AFAP1: variants seen among roughly 807,000 people sequenced by gnomAD.
AFAP1 encodes the protein actin filament-associated protein 1.
AFAP1 carries 75 observed loss-of-function variants against 93.9 expected under a neutral mutation model. The ratio of observed to expected loss-of-function variants is 0.80; its 90% CI spans 0.66 to 0.97. The LOEUF (loss-of-function observed/expected upper bound fraction) is 0.97, where lower values mean the gene tolerates loss of function less well. Ranked by LOEUF, AFAP1 falls within the 50% of genes least tolerant of loss-of-function variation. AFAP1 has a pLI of 0.00. For synonymous variants in AFAP1, 517 were observed against 430.7 expected (o/e 1.20, Z -2.48); for missense variants, 1,201 against 1,050.8 (o/e 1.14, Z -1.98).
At chr4:7,868,157 A>C (rs1177922948) in intron 3 of AFAP1, among the ~76,000 whole-genome samples, 1 of 152,150 alleles carries the variant, frequency 6.6e-6, no homozygotes, top group Non-Finnish European at 1.5e-5. Context: ...AAATATGTAC[A>C]TATTTTTCTC....
At chr4:7,873,581 C>T (rs534385784) in intron 1 of AFAP1, among the ~76,000 whole-genome samples, 1 of 151,876 alleles carries the variant, frequency 6.6e-6, no homozygotes, top group East Asian at 2.0e-4. Context: ...ATCTCCTGAC[C>T]TCGTGATCCA....
At chr4:7,866,779 G>A (rs1221460308) in intron 3 of AFAP1, among the ~76,000 whole-genome samples, 3 of 151,820 alleles carry the variant, frequency 2.0e-5, no homozygotes, top group Non-Finnish European at 2.9e-5. Flanking sequence ...GGTCACACCT[G>A]TAATCCTAGC....
chr4:7,857,228 TG>T (rs1221511906), intron 3 of AFAP1, among the ~76,000 whole-genome samples: 2 of 152,126 alleles, frequency 1.3e-5, no homozygotes, highest in Non-Finnish European at 2.9e-5. Flanking sequence ...ATTGAAAGTA[TG>T]GGGCTGTTGC....
At chr4:7,834,733 A>C (rs1712071011) in intron 6 of AFAP1, among the ~76,000 whole-genome samples, 1 of 152,252 alleles carries the variant, frequency 6.6e-6, no homozygotes, top group East Asian at 1.9e-4. Context: ...AGAGAGATCC[A>C]AGCTGTAGTC....
rs180937695 is a variant in AFAP1, at chr4:7,780,541, G to A, written c.1782+835C>T. On this transcript the variant is annotated intron_variant, in intron 13 of 17. Coordinates refer to ENST00000420658, the MANE Select transcript of AFAP1 (RefSeq NM_001134647.2). ...TAAATATGCATGATAAGCTGGGCAC[G>A]GTGGCATGTGCCTGTTGTCCCAGCT... Among the ~76,000 whole-genome samples, 60 of 152,276 alleles carry A rather than the reference G, an allele frequency of 3.9e-4. 1 individual carries two copies. Among genetic ancestry groups the A allele is most frequent in the Admixed American group, 9.2e-4 (14 of 15,300 alleles).
chr4:7,840,349 C>T lies in AFAP1; in HGVS notation c.547-1646G>A, dbSNP rs181304702. Among the ~76,000 whole-genome samples, 53 of 149,326 alleles carry T rather than the reference C, an allele frequency of 3.5e-4. No individual in the cohort carries two copies. In the East Asian group the frequency reaches 9.5e-3, roughly 27 times the overall value. On this transcript the variant is annotated intron_variant, in intron 5 of 17. Coordinates refer to ENST00000420658, the MANE Select transcript of AFAP1 (RefSeq NM_001134647.2). ...GTGTGTTTGAGATGAAGTCTCTCTCCGGTGCCCAGGCTGAAGTTCAGTGGC... is the reference window on the plus strand; with the variant it reads ...GTGTGTTTGAGATGAAGTCTCTCTCTGGTGCCCAGGCTGAAGTTCAGTGGC...
In AFAP1 at chr4:7,816,028, TCCATTACATGTG is replaced by T; in HGVS notation, c.882_893del (p.Thr295_Gly298del). ...ACAAGCAGAACTCACCTTGCTCCTT[TCCATTACATGTG>T]GTAATTCCATTTTCCACAACACCCT... is the stretch of plus-strand genomic sequence containing the variant. On this transcript the variant is annotated inframe_deletion, in exon 8 of 18. Coordinates refer to ENST00000420658, the MANE Select transcript of AFAP1 (RefSeq NM_001134647.2). 1 of 1,612,652 alleles carries T rather than the reference TCCATTACATGTG, an allele frequency of 6.2e-7. No homozygotes were observed. Among genetic ancestry groups the T allele is most frequent in the Non-Finnish European group, 8.5e-7 (1 of 1,179,514 alleles).
chr4:7,760,662 C>T lies in AFAP1; in HGVS notation c.*3103G>A, dbSNP rs1713650364. The T allele has an allele frequency of 6.6e-6, 1 of 152,266 alleles. No individual in the cohort carries two copies. The highest frequency in any genetic ancestry group is 2.4e-5 in the African/African-American group (1 of 41,462). The allele number at this position is 152,266 out of a possible 1,614,324, so 9.4% of individuals were successfully genotyped here. On this transcript the variant is annotated 3_prime_UTR_variant, in exon 18 of 18. Transcript: ENST00000420658. ...TAGTTGTTTCTATGAAAAAGTTGGT[C>T]AGTGGCTTAACATTATAAAAATATA... is the stretch of plus-strand genomic sequence containing the variant.
chr4:7,790,841 C>T (rs1231364897), intron 11 of AFAP1, among the ~76,000 whole-genome samples: 1 of 152,260 alleles, frequency 6.6e-6, no homozygotes, highest in African/African-American at 2.4e-5. Context: ...GTGGTGAGAA[C>T]AGTGTGCACT....
chr4:7,832,133 A>G (rs960863302), intron 6 of AFAP1, among the ~76,000 whole-genome samples: 8 of 152,140 alleles, frequency 5.3e-5, no homozygotes, highest in Non-Finnish European at 1.2e-4. Context: ...GTGAGTGTAA[A>G]GGGCTTTAGT....
At chr4:7,865,820 G>T (rs980666697) in intron 3 of AFAP1, among the ~76,000 whole-genome samples, 1 of 152,234 alleles carries the variant, frequency 6.6e-6, no homozygotes, top group African/African-American at 2.4e-5. Context: ...CTAGAGAAGA[G>T]TCCATGACAG....
chr4:7,886,021 C>A (rs1258040534), intron 1 of AFAP1, among the ~76,000 whole-genome samples: 2 of 152,190 alleles, frequency 1.3e-5, no homozygotes, highest in Admixed American at 1.3e-4. Context: ...CCACAGGCCT[C>A]CGCAGATCAT....
At position 7,801,914 on chromosome 4, in the gene AFAP1, C is replaced by CAA. The variant is rs531684652; in HGVS notation, c.1055-1263_1055-1262dup. 7.8e-3 allele frequency among the ~76,000 whole-genome samples: 509 copies of CAA among 65,200 alleles called. 34 individuals are homozygous for CAA. The highest frequency in any genetic ancestry group is 0.029 in the Admixed American group (129 of 4,506). The allele number at this position is 65,200 out of a possible 152,430, so 42.8% of individuals were successfully genotyped here. The stretch of plus-strand genomic sequence containing the variant: ...TGAGCAACACAGTGAGACCCTATCA[C>CAA]AAAAAAAAAAAAAAAAAAAAAAAAA... On this transcript the variant is annotated intron_variant, in intron 9 of 17. Coordinates refer to ENST00000420658, the MANE Select transcript of AFAP1 (RefSeq NM_001134647.2).
At chr4:7,830,951 G>A (rs564911132) in intron 6 of AFAP1, among the ~76,000 whole-genome samples, 7 of 152,202 alleles carry the variant, frequency 4.6e-5, no homozygotes, top group East Asian at 3.9e-4. Flanking sequence ...GATAAAAGTC[G>A]CCTTTGGGAA....
In AFAP1 at chr4:7,785,355, CATGGATAG is replaced by C. The variant is rs1326236885; in HGVS notation, c.1530+831_1530+838del. Among the ~76,000 whole-genome samples, 26 of 152,124 alleles carry C rather than the reference CATGGATAG, an allele frequency of 1.7e-4. 1 individual carries two copies. Among genetic ancestry groups the C allele is most frequent in the Admixed American group, 1.6e-3 (25 of 15,280 alleles). On this transcript the variant is annotated intron_variant, in intron 12 of 17. Coordinates refer to ENST00000420658, the MANE Select transcript of AFAP1 (RefSeq NM_001134647.2). ...GAAAGCTGTTACTAAACACCTCCTG[CATGGATAG>C]ATGGATAGATGGATATACAGATAGC...
intron 3 of AFAP1, among the ~76,000 whole-genome samples, chr4:7,866,129 T>C (rs1716371454): frequency 1.3e-5 from 2 of 152,132 alleles, no homozygotes; most frequent in South Asian, 4.1e-4. Context: ...ACTCCTGACC[T>C]CAGGTGATCC....
chr4:7,806,991 G>C (rs142029947), intron 9 of AFAP1, among the ~76,000 whole-genome samples: 4 of 152,124 alleles, frequency 2.6e-5, no homozygotes, highest in Non-Finnish European at 5.9e-5. Context: ...GGGAAGGCCT[G>C]TGGGACAGGG....
intron 1 of AFAP1, among the ~76,000 whole-genome samples, chr4:7,912,581 T>C (rs1374335867): frequency 6.6e-6 from 1 of 152,254 alleles, no homozygotes; most frequent in Admixed American, 6.5e-5. Context: ...TTATATGTTA[T>C]CTGAAATGTC....
chr4:7,770,397 G>A (rs1310541849), intron 16 of AFAP1, among the ~76,000 whole-genome samples: 2 of 152,164 alleles, frequency 1.3e-5, no homozygotes, highest in Admixed American at 1.3e-4. Context: ...AATGCCGGGG[G>A]TCACCATGAT....
Sources: allele counts gnomAD v4.1 joint callset (sites outside exome capture counted in the v4.1 genomes callset), GRCh38; gene constraint gnomAD v4.1.1; transcripts MANE v1.5; gene names NCBI Gene and HGNC (gene_info 2026-07-23, HGNC 2026-07-21).